Variants in SGCD observed in about 807,000 individuals in gnomAD.
SGCD encodes the protein delta-sarcoglycan.
SGCD carries 18 observed loss-of-function variants against 36.6 expected under a neutral mutation model. The ratio of observed to expected loss-of-function variants is 0.49; its 90% CI spans 0.34 to 0.73. SGCD has a LOEUF of 0.73. Among genes scored for constraint, SGCD ranks in the 30% least tolerant of loss-of-function variants. The pLI is 0.01. For missense variants in SGCD, 387 were observed against 346.7 expected, an observed-to-expected ratio of 1.12 and a Z score of -0.92; for synonymous variants, 133 against 130.6, an observed-to-expected ratio of 1.02 and a Z score of -0.12.
At chr5:156,116,480 G>A (rs184988561) in intron 1 of SGCD, among the ~76,000 whole-genome samples, 81 of 152,002 alleles carry the variant, frequency 5.3e-4, no homozygotes, top group African/African-American at 1.8e-3. Context: ...TTATATGTTA[G>A]GAATATTAAC....
intron 7 of SGCD, among the ~76,000 whole-genome samples, chr5:156,650,376 G>A (rs1029989871): frequency 2.0e-5 from 3 of 152,012 alleles, no homozygotes; most frequent in African/African-American, 4.8e-5. Context: ...GGATACACAC[G>A]CAGGTTTGTT....
intron 3 of SGCD, among the ~76,000 whole-genome samples, chr5:156,472,331 A>G (rs1006533842): frequency 6.6e-6 from 1 of 152,244 alleles, no homozygotes; most frequent in African/African-American, 2.4e-5. Context: ...ATAGAAATAA[A>G]TATTCATCAA....
At chr5:156,248,059 CTT>C (rs2127659373) in intron 3 of SGCD, among the ~76,000 whole-genome samples, 1 of 152,220 alleles carries the variant, frequency 6.6e-6, no homozygotes, top group East Asian at 1.9e-4. Context: ...GTAAATGTCT[CTT>C]GAGCTCAGTT....
the SGCD span, among the ~76,000 whole-genome samples, chr5:155,856,568 C>T: frequency 6.6e-6 from 1 of 151,734 alleles, no homozygotes; most frequent in Non-Finnish European, 1.5e-5. Flanking sequence ...GAAAGCAAGC[C>T]TCAGAGTGGG....
intron 3 of SGCD, among the ~76,000 whole-genome samples, chr5:156,152,647 A>G (rs1762859730): frequency 6.6e-6 from 1 of 151,730 alleles, no homozygotes; most frequent in South Asian, 2.1e-4. Flanking sequence ...ACCTGTTGAA[A>G]TGGTAGTATT....
intron 4 of SGCD, among the ~76,000 whole-genome samples, chr5:156,561,814 A>G (rs1759277598): frequency 6.6e-6 from 1 of 152,182 alleles, no homozygotes; most frequent in Non-Finnish European, 1.5e-5. Context: ...AGAATCAGTA[A>G]TTTGGGTTTA....
intron 1 of SGCD, among the ~76,000 whole-genome samples, chr5:155,939,715 TTTAAATTTC>T (rs1390961476): frequency 6.7e-6 from 1 of 149,234 alleles, no homozygotes; most frequent in Non-Finnish European, 1.5e-5. Flanking sequence ...TAAAAAACAA[TTTAAATTTC>T]TATCATGGGC....
At chr5:156,336,883 A>C (rs551191353) in intron 2 of SGCD, among the ~76,000 whole-genome samples, 10 of 152,236 alleles carry the variant, frequency 6.6e-5, no homozygotes, top group Non-Finnish European at 1.3e-4. Flanking sequence ...TAAGAATTGG[A>C]ATATATAACT....
At chr5:155,814,669 A>G in the SGCD span, among the ~76,000 whole-genome samples, 1 of 152,172 alleles carries the variant, frequency 6.6e-6, no homozygotes, top group Non-Finnish European at 1.5e-5. Flanking sequence ...GAGCATATCA[A>G]ATTCAATTTG....
chr5:156,375,498 AGAGT>A (rs1770612963), intron 3 of SGCD, among the ~76,000 whole-genome samples: 1 of 150,198 alleles, frequency 6.7e-6, no homozygotes, highest in South Asian at 2.1e-4. Context: ...GGAAAATGTG[AGAGT>A]GAGAAGGATG....
chr5:156,244,352 A>T (rs1765388272), intron 3 of SGCD, among the ~76,000 whole-genome samples: 1 of 152,224 alleles, frequency 6.6e-6, no homozygotes, highest in Non-Finnish European at 1.5e-5. Flanking sequence ...TTTTGGGACA[A>T]TTGGCAAAAA....
At chr5:155,739,885 T>C in the SGCD span, among the ~76,000 whole-genome samples, 3 of 152,178 alleles carry the variant, frequency 2.0e-5, no homozygotes, top group African/African-American at 7.2e-5. Context: ...TAGATTTTTA[T>C]CATTTTAATA....
intron 3 of SGCD, among the ~76,000 whole-genome samples, chr5:156,309,714 C>G (rs1421488464): frequency 6.6e-6 from 1 of 151,370 alleles, no homozygotes; most frequent in East Asian, 2.0e-4. Flanking sequence ...TCTTGAACTC[C>G]TGACCTCATG....
intron 7 of SGCD, among the ~76,000 whole-genome samples, chr5:156,687,057 C>T (rs7723731): frequency 0.062 from 9,361 of 152,136 alleles, 657 homozygotes; most frequent in African/African-American, 0.17. Context: ...ATGCTCATGC[C>T]GCACCAGACA....
At chr5:156,208,582 T>C (rs1764352063) in intron 3 of SGCD, among the ~76,000 whole-genome samples, 1 of 152,232 alleles carries the variant, frequency 6.6e-6, no homozygotes, top group South Asian at 2.1e-4. Context: ...ACTGCACTGC[T>C]TGAGGAAGAT....
intron 3 of SGCD, among the ~76,000 whole-genome samples, chr5:156,189,684 A>C (rs141452211): frequency 6.6e-6 from 1 of 152,096 alleles, no homozygotes; most frequent in East Asian, 1.9e-4. Context: ...CCGGAAAATA[A>C]ATGAGGCCAA....
intron 1 of SGCD, among the ~76,000 whole-genome samples, chr5:156,071,660 A>T (rs1428410205): frequency 1.3e-5 from 2 of 152,160 alleles, no homozygotes; most frequent in Non-Finnish European, 2.9e-5. Context: ...CTTGGTGCAG[A>T]GCTGTGTTCA....
the SGCD span, among the ~76,000 whole-genome samples, chr5:155,775,297 T>C: frequency 6.6e-6 from 1 of 152,192 alleles, no homozygotes; most frequent in South Asian, 2.1e-4. Context: ...TTCTTGGGGA[T>C]GGGGCCCTTT....
chr5:156,376,822 A>C (rs1204593338), intron 3 of SGCD, among the ~76,000 whole-genome samples: 1 of 152,154 alleles, frequency 6.6e-6, no homozygotes, highest in Non-Finnish European at 1.5e-5. Flanking sequence ...GGTGCTCTCT[A>C]TTAAAATAAT....
Sources: allele counts gnomAD v4.1 joint callset (sites outside exome capture counted in the v4.1 genomes callset), GRCh38; gene constraint gnomAD v4.1.1; transcripts MANE v1.5; gene names NCBI Gene and HGNC (gene_info 2026-07-23, HGNC 2026-07-21).